Variants in TNRC6A observed in about 807,000 individuals in gnomAD.
TNRC6A encodes the protein trinucleotide repeat-containing gene 6A protein.
Under a neutral mutation model 221.2 loss-of-function variants are expected in TNRC6A, and 44 were observed. That is an observed-to-expected ratio of 0.20 (90% CI 0.16 to 0.26). The LOEUF is 0.26. TNRC6A is among the 10% of genes least tolerant of loss of function. The pLI is 1.00. For missense variants in TNRC6A, 2,199 were observed against 2,404.4 expected (o/e 0.91, Z 1.79); for synonymous variants, 847 against 838.5 (o/e 1.01, Z -0.18).
chr16:24,634,040 C>T (rs555007472), intron 1 of TNRC6A, among the ~76,000 whole-genome samples: 4 of 152,108 alleles, frequency 2.6e-5, no homozygotes, highest in Non-Finnish European at 4.4e-5. Flanking sequence ...CTTCAGCCCC[C>T]CAAAGTGCTA....
intron 2 of TNRC6A, among the ~76,000 whole-genome samples, chr16:24,708,586 G>A (rs778200855): frequency 2.6e-5 from 4 of 151,956 alleles, no homozygotes; most frequent in African/African-American, 4.8e-5. Flanking sequence ...TGGTGCACCC[G>A]TCACCCTAGC....
At chr16:24,640,200 G>A (rs768259780) in intron 1 of TNRC6A, among the ~76,000 whole-genome samples, 3 of 152,028 alleles carry the variant, frequency 2.0e-5, no homozygotes, top group Non-Finnish European at 2.9e-5. Flanking sequence ...AGGACTTCAA[G>A]ACCAGCCTGA....
intron 2 of TNRC6A, among the ~76,000 whole-genome samples, chr16:24,698,052 G>T (rs1271310948): frequency 6.6e-6 from 1 of 150,580 alleles, no homozygotes; most frequent in Non-Finnish European, 1.5e-5. Flanking sequence ...TGCAGGCCAG[G>T]CACTGTAGCT....
At chr16:24,722,789 G>C (rs566289017) in intron 2 of TNRC6A, among the ~76,000 whole-genome samples, 4 of 152,274 alleles carry the variant, frequency 2.6e-5, no homozygotes, top group South Asian at 2.1e-4. Context: ...AAGAGGCAAA[G>C]AGAATGAATC....
intron 18 of TNRC6A, among the ~76,000 whole-genome samples, chr16:24,812,613 A>G (rs1007047721): frequency 3.3e-5 from 5 of 152,152 alleles, no homozygotes; most frequent in Admixed American, 6.5e-5. Context: ...ACAGTTGCCT[A>G]CATTACTCAG....
intron 18 of TNRC6A, 152 bp downstream of exon 18, chr16:24,809,633 GTTACAATAAGAGAC>G (rs1423621696): frequency 1.1e-6 from 1 of 933,156 alleles, no homozygotes; most frequent in Non-Finnish European, 1.4e-6. Context: ...TTAAGTCTTA[GTTACAATAAGAGAC>G]TTTCAGATGA....
chr16:24,771,592 A>ATGTTATGTTATGTT, intron 4 of TNRC6A, among the ~76,000 whole-genome samples: 1 of 148,794 alleles, frequency 6.7e-6, no homozygotes, highest in Admixed American at 6.7e-5. Flanking sequence ...TTGTTATGTT[A>ATGTTATGTTATGTT]TGTTATGTTA....
intron 2 of TNRC6A, among the ~76,000 whole-genome samples, chr16:24,677,154 CT>C (rs966420036): frequency 9.6e-5 from 14 of 146,436 alleles, no homozygotes; most frequent in African/African-American, 2.7e-4. Flanking sequence ...GTCCCGTTTC[CT>C]TTTTTTTTCT....
chr16:24,630,512 A>G (rs1002213244), intron 1 of TNRC6A, among the ~76,000 whole-genome samples: 3 of 152,170 alleles, frequency 2.0e-5, no homozygotes, highest in Non-Finnish European at 4.4e-5. Flanking sequence ...AAAACAAACA[A>G]CAACAACAAA....
chr16:24,811,735 G>A (rs2058547705), intron 18 of TNRC6A, among the ~76,000 whole-genome samples: 1 of 152,000 alleles, frequency 6.6e-6, no homozygotes, highest in East Asian at 1.9e-4. Flanking sequence ...TCCAGGAGCT[G>A]TGGAGGAAGT....
At chr16:24,787,611 A>G (rs1023881726) in intron 5 of TNRC6A, among the ~76,000 whole-genome samples, 2 of 152,336 alleles carry the variant, frequency 1.3e-5, no homozygotes, top group Non-Finnish European at 2.9e-5. Context: ...AAAGATGGCA[A>G]ATCTTCTTTG....
intron 2 of TNRC6A, among the ~76,000 whole-genome samples, chr16:24,739,222 A>G (rs1258029429): frequency 6.6e-6 from 1 of 152,198 alleles, no homozygotes; most frequent in Non-Finnish European, 1.5e-5. Context: ...AGCCATCCTA[A>G]TAGATGTAAA....
chr16:24,649,496 A>C (rs989277269), intron 2 of TNRC6A, among the ~76,000 whole-genome samples: 1 of 151,406 alleles, frequency 6.6e-6, no homozygotes, highest in South Asian at 2.1e-4. Context: ...TTTTGTAGAG[A>C]CAGGATCTCC....
upstream of TNRC6A, among the ~76,000 whole-genome samples, chr16:24,725,687 T>C (rs1019168519): frequency 1.3e-5 from 2 of 151,838 alleles, no homozygotes; most frequent in Non-Finnish European, 2.9e-5. Context: ...TTTGTAATTA[T>C]ACACTTTTTG....
At chr16:24,718,649 T>C (rs1008521736) in intron 2 of TNRC6A, among the ~76,000 whole-genome samples, 3 of 152,192 alleles carry the variant, frequency 2.0e-5, no homozygotes, top group Non-Finnish European at 4.4e-5. Flanking sequence ...TTCTATAGAA[T>C]GTAGCCATTC....
At chr16:24,622,387 G>C (rs1900722011) in intron 1 of TNRC6A, among the ~76,000 whole-genome samples, 1 of 152,160 alleles carries the variant, frequency 6.6e-6, no homozygotes, top group Non-Finnish European at 1.5e-5. Flanking sequence ...GATCACCTGA[G>C]GTCAGGAGTT....
chr16:24,649,164 G>C (rs1309246037), intron 2 of TNRC6A, among the ~76,000 whole-genome samples: 2 of 151,702 alleles, frequency 1.3e-5, no homozygotes, highest in Non-Finnish European at 2.9e-5. Flanking sequence ...ATAAATAATT[G>C]ACAAGTAAAA....
intron 7 of TNRC6A, 58 bp from the exon 8 acceptor site, chr16:24,794,486 C>T (rs2058177446): frequency 6.4e-7 from 1 of 1,552,744 alleles, no homozygotes; most frequent in Admixed American, 1.9e-5. Flanking sequence ...TACTTATTCT[C>T]CAGAAGGAAT....
chr16:24,707,357 C>A (rs1192893994), intron 2 of TNRC6A, among the ~76,000 whole-genome samples: 2 of 90,384 alleles, frequency 2.2e-5, no homozygotes, highest in Non-Finnish European at 3.4e-5. Flanking sequence ...GGCGCACACA[C>A]ACACACACAC....
Sources: allele counts gnomAD v4.1 joint callset (sites outside exome capture counted in the v4.1 genomes callset), GRCh38; gene constraint gnomAD v4.1.1; transcripts MANE v1.5; gene names NCBI Gene and HGNC (gene_info 2026-07-23, HGNC 2026-07-21).